AFM: variants seen among roughly 807,000 people sequenced by gnomAD.
The protein encoded by AFM is alpha-Alb.
Under a neutral mutation model 68.7 loss-of-function variants are expected in AFM, and 82 were observed. The observed-to-expected ratio is 1.19, with a 90% CI of 1.00 to 1.43. AFM has a LOEUF of 1.43. Ranked by LOEUF, AFM falls within the 40% of genes most tolerant of loss-of-function variation. The probability of loss-of-function intolerance (pLI) is 0.00; values close to 1 mark genes in which losing one functional copy is unlikely to be tolerated. For missense variants in AFM, 772 were observed against 701.8 expected, an observed-to-expected ratio of 1.10 and a Z score of -1.13; for synonymous variants, 250 against 234.2, an observed-to-expected ratio of 1.07 and a Z score of -0.61.
At chr4:73,503,338 T>A (rs915566679) in intron 14 of AFM, among the ~76,000 whole-genome samples, 1 of 152,114 alleles carries the variant, frequency 6.6e-6, no homozygotes, top group Non-Finnish European at 1.5e-5. Flanking sequence ...TGCTGTTCAA[T>A]CAGTTTTCTA....
At chr4:73,497,060 C>T (rs1721278588) in intron 9 of AFM, among the ~76,000 whole-genome samples, 2 of 152,108 alleles carry the variant, frequency 1.3e-5, no homozygotes, top group Non-Finnish European at 2.9e-5. Context: ...CAATTTGCTC[C>T]ACAATAGCTA....
At chr4:73,501,986 C>T in intron 13 of AFM, 67 bp downstream of exon 13, 2 of 1,537,382 alleles carry the variant, frequency 1.3e-6, no homozygotes, top group African/African-American at 1.4e-5. Flanking sequence ...AAACAGAACC[C>T]TGCAGGACAC....
At chr4:73,497,598 T>C in intron 9 of AFM, 54 bp from the exon 10 acceptor site, 1 of 1,230,528 alleles carries the variant, frequency 8.1e-7, no homozygotes, top group South Asian at 1.3e-5. Flanking sequence ...GATGTAAAGC[T>C]TATGGTTAAA....
intron 8 of AFM, among the ~76,000 whole-genome samples, chr4:73,493,475 A>T (rs1190860857): frequency 3.3e-5 from 5 of 152,196 alleles, no homozygotes; most frequent in Non-Finnish European, 5.9e-5. Flanking sequence ...TTTATATGTG[A>T]ACCTGTAGCT....
At chr4:73,482,400 A>G (rs891270670) in intron 1 of AFM, among the ~76,000 whole-genome samples, 1 of 152,204 alleles carries the variant, frequency 6.6e-6, no homozygotes, top group Non-Finnish European at 1.5e-5. Context: ...TTTGAACCTC[A>G]TATGTCTAGA....
Position 73,491,927 on chromosome 4 carries a change from A to G in AFM, c.899A>G (p.Lys300Arg). ...CAAGATTCTATCTCCAGCAAAATCAAAGAGTGCTGTGAAAAGAAAATACCA... is the reference window on the plus strand; with the variant it reads ...CAAGATTCTATCTCCAGCAAAATCAGAGAGTGCTGTGAAAAGAAAATACCA... ...SKQDSISSKIKECCEKKIPER... is the reference protein window; with the variant it reads ...SKQDSISSKIRECCEKKIPER... The change falls in exon 8 of 15, where the codon AAA becomes AGA. Residue 300 changes from lysine (K) to arginine (R), a missense_variant. Coordinates refer to ENST00000226355, the MANE Select transcript of AFM (RefSeq NM_001133.2). The G allele has an allele frequency of 1.2e-6, 2 of 1,614,064 alleles. No homozygotes were observed. The highest frequency in any genetic ancestry group is 1.7e-6 in the Non-Finnish European group (2 of 1,179,978).
chr4:73,486,213 A>T, intron 4 of AFM, 140 bp downstream of exon 4: 4 of 759,946 alleles, frequency 5.3e-6, no homozygotes, highest in Non-Finnish European at 8.5e-6. Context: ...ACTGTGTGTC[A>T]GATACTGTGC....
chr4:73,503,505 C>T (rs1269141216), intron 14 of AFM, among the ~76,000 whole-genome samples: 3 of 152,106 alleles, frequency 2.0e-5, no homozygotes, highest in Non-Finnish European at 4.4e-5. Flanking sequence ...GTGACCCTTT[C>T]CAATAATCTT....
At chr4:73,493,500 G>A (rs1272444375) in intron 8 of AFM, among the ~76,000 whole-genome samples, 2 of 152,268 alleles carry the variant, frequency 1.3e-5, no homozygotes, top group East Asian at 1.9e-4. Context: ...AAGGGAATCT[G>A]GCTTGAAATC....
rs766805794 is a variant in AFM at position 73,495,336 on chromosome 4, G to C, written c.1095G>C (p.Leu365=). 6.2e-7 allele frequency: 1 copy of C among 1,611,930 alleles called. No individual in the cohort carries two copies. Among genetic ancestry groups the C allele is most frequent in the Admixed American group, 1.7e-5 (1 of 59,360 alleles). ...TFEYSRRHPD[L]SIPELLRIVQ... Reference sequence around the variant, plus strand: ...AATACTCAAGGAGACATCCAGACCTGTCTATACCAGAGCTTTTAAGAATTG... The same window carrying C: ...AATACTCAAGGAGACATCCAGACCTCTCTATACCAGAGCTTTTAAGAATTG... The change falls in exon 9 of 15, where the codon CTG becomes CTC. Residue 365 remains leucine (L), a synonymous_variant. Coordinates refer to ENST00000226355, the MANE Select transcript of AFM (RefSeq NM_001133.2).
chr4:73,498,253 G>A (rs771539320), intron 10 of AFM, among the ~76,000 whole-genome samples: 49 of 151,568 alleles, frequency 3.2e-4, no homozygotes, highest in Non-Finnish European at 6.0e-4. Context: ...TTATGTCAAT[G>A]TATTTTATTA....
chr4:73,494,006 C>T (rs1430048576), intron 8 of AFM, among the ~76,000 whole-genome samples: 2 of 151,846 alleles, frequency 1.3e-5, no homozygotes, highest in Non-Finnish European at 2.9e-5. Flanking sequence ...GCTTCTCCAG[C>T]CTAGAGTAAG....
chr4:73,502,052 A>T, intron 13 of AFM, 133 bp downstream of exon 13: 1 of 964,876 alleles, frequency 1.0e-6, no homozygotes, highest in East Asian at 2.6e-5. Flanking sequence ...ATTGCTACAC[A>T]ACTAATATGT....
At chr4:73,486,876 C>T (rs1422927719) in intron 4 of AFM, 91 bp from the exon 5 acceptor site, 2 of 1,105,614 alleles carry the variant, frequency 1.8e-6, no homozygotes, top group East Asian at 2.5e-5. Flanking sequence ...TCTTACCCTC[C>T]CTTCCCTTCC....
intron 8 of AFM, among the ~76,000 whole-genome samples, chr4:73,494,693 A>T (rs1215854171): frequency 6.6e-6 from 1 of 152,208 alleles, no homozygotes; most frequent in African/African-American, 2.4e-5. Flanking sequence ...CCTAGCACCT[A>T]CTAAGGGCTT....
At chr4:73,498,037 C>G (rs999715630) in intron 10 of AFM, among the ~76,000 whole-genome samples, 1 of 152,178 alleles carries the variant, frequency 6.6e-6, no homozygotes, top group African/African-American at 2.4e-5. Context: ...ATCCCTGCAT[C>G]CTCACCCATT....
chr4:73,499,374 T>C, intron 11 of AFM, 128 bp downstream of exon 11: 1 of 1,015,226 alleles, frequency 9.9e-7, no homozygotes, highest in Non-Finnish European at 1.3e-6. Context: ...TAAGCAAAAA[T>C]TGTCAAGTTT....
chr4:73,497,610 T>A, intron 9 of AFM, 42 bp from the exon 10 acceptor site: 1 of 1,350,380 alleles, frequency 7.4e-7, no homozygotes, highest in South Asian at 1.2e-5. Flanking sequence ...ATGGTTAAAT[T>A]TTAGATAAAA....
intron 7 of AFM, 30 bp from the exon 8 acceptor site, chr4:73,491,842 A>C: frequency 6.3e-7 from 1 of 1,582,812 alleles, no homozygotes; most frequent in South Asian, 1.1e-5. Flanking sequence ...GCCTGAAAGT[A>C]AAATAATCTC....
Sources: gnomAD v4.1 joint callset for allele counts (sites outside exome capture counted in the v4.1 genomes callset) on GRCh38, gnomAD v4.1.1 for gene constraint, MANE v1.5 for transcripts, NCBI Gene and HGNC (gene_info 2026-07-23, HGNC 2026-07-21) for gene names.